The following BLTP3B variants were observed in gnomAD, a reference collection of about 807,000 sequenced individuals.
BLTP3B encodes bridge-like lipid transfer protein family member 3B, also known as UHRF1 (ICBP90) binding protein 1-like.
chr12:100,092,822 T>A, the BLTP3B span: 2 of 839,172 alleles, frequency 2.4e-6, no homozygotes, highest in Non-Finnish European at 2.9e-6. Context: ...ATAGTATTTA[T>A]GTCTATGATG....
At chr12:100,106,060 T>C in the BLTP3B span, among the ~76,000 whole-genome samples, 1 of 152,142 alleles carries the variant, frequency 6.6e-6, no homozygotes, top group South Asian at 2.1e-4. Flanking sequence ...AAACAATCGA[T>C]GTTGGCATGG....
At chr12:100,047,898 A>G in the BLTP3B span, 1 of 1,381,530 alleles carries the variant, frequency 7.2e-7, no homozygotes. Context: ...GAAAGTCCAG[A>G]TAAGGAAAAG....
At chr12:100,062,499 T>C in the BLTP3B span, among the ~76,000 whole-genome samples, 129 of 152,288 alleles carry the variant, frequency 8.5e-4, no homozygotes, top group Non-Finnish European at 1.4e-3. Context: ...TAAGAAAACA[T>C]TAAATTAAAA....
At chr12:100,119,007 CAGG>C in the BLTP3B span, among the ~76,000 whole-genome samples, 1 of 152,002 alleles carries the variant, frequency 6.6e-6, no homozygotes, top group Admixed American at 6.6e-5. Flanking sequence ...GAGGCTGAGG[CAGG>C]AGAATTGCTT....
At chr12:100,113,673 A>G in the BLTP3B span, among the ~76,000 whole-genome samples, 2 of 151,598 alleles carry the variant, frequency 1.3e-5, no homozygotes, top group Non-Finnish European at 2.9e-5. Context: ...AGACTAAGAT[A>G]TAGGCCAGAC....
At chr12:100,050,721 A>G in the BLTP3B span, among the ~76,000 whole-genome samples, 2 of 152,090 alleles carry the variant, frequency 1.3e-5, no homozygotes, top group Non-Finnish European at 1.5e-5. Flanking sequence ...CTGGGACAGG[A>G]AGATCACTTA....
the BLTP3B span, chr12:100,098,664 G>A: frequency 1.0e-6 from 1 of 985,896 alleles, no homozygotes; most frequent in African/African-American, 1.6e-5. Context: ...CACTTTGGGA[G>A]GCTGAGGCAG....
chr12:100,044,083 GT>G, the BLTP3B span, among the ~76,000 whole-genome samples: 1 of 151,852 alleles, frequency 6.6e-6, no homozygotes, highest in African/African-American at 2.4e-5. Context: ...CTGTTTGTTT[GT>G]TTTGTTTTGT....
the BLTP3B span, among the ~76,000 whole-genome samples, chr12:100,096,581 G>C: frequency 8.5e-5 from 13 of 152,090 alleles, no homozygotes; most frequent in African/African-American, 3.1e-4. Flanking sequence ...CACTTTGGGA[G>C]GTCAAGACAG....
the BLTP3B span, chr12:100,128,666 T>C: frequency 4.6e-5 from 59 of 1,288,262 alleles, no homozygotes; most frequent in Non-Finnish European, 6.0e-5. Context: ...CCTCTGGTAC[T>C]CATTTGGGTG....
chr12:100,091,609 T>G, the BLTP3B span, among the ~76,000 whole-genome samples: 6 of 151,682 alleles, frequency 4.0e-5, no homozygotes, highest in African/African-American at 1.5e-4. Context: ...TTCATGCCAT[T>G]CTTCTGCCTC....
chr12:100,055,118 G>A, the BLTP3B span, among the ~76,000 whole-genome samples: 3 of 151,938 alleles, frequency 2.0e-5, no homozygotes, highest in Non-Finnish European at 2.9e-5. Context: ...ATTTTTCTCT[G>A]ACTTATGTAA....
chr12:100,124,970 A>ATATATATATATT, the BLTP3B span, among the ~76,000 whole-genome samples: 1 of 101,080 alleles, frequency 9.9e-6, no homozygotes, highest in African/African-American at 5.3e-5. Flanking sequence ...ATATATATAT[A>ATATATATATATT]TATATATATT....
the BLTP3B span, chr12:100,057,572 T>G: frequency 5.6e-6 from 9 of 1,602,350 alleles, no homozygotes; most frequent in Non-Finnish European, 6.8e-6. Flanking sequence ...TAACTTTACC[T>G]TTTTCCAAAA....
chr12:100,128,565 G>T, the BLTP3B span: 3 of 1,219,164 alleles, frequency 2.5e-6, no homozygotes, highest in African/African-American at 1.6e-5. Context: ...AAAGCATGGG[G>T]AATAGAAGTA....
chr12:100,103,848 T>C, the BLTP3B span: 7 of 1,298,026 alleles, frequency 5.4e-6, no homozygotes, highest in Admixed American at 7.9e-5. Context: ...AAGATTACTA[T>C]GAACAGAGTA....
the BLTP3B span, chr12:100,047,440 A>C: frequency 1.1e-6 from 1 of 917,268 alleles, no homozygotes; most frequent in Non-Finnish European, 1.7e-6. Context: ...AGAGGTTTGC[A>C]GTAGGCTGAG....
At chr12:100,083,015 C>T in the BLTP3B span, 1 of 1,606,994 alleles carries the variant, frequency 6.2e-7, no homozygotes, top group Non-Finnish European at 8.5e-7. Context: ...AGAAAACATA[C>T]CTGGTATATA....
chr12:100,140,135 T>C, the BLTP3B span, among the ~76,000 whole-genome samples: 1 of 152,218 alleles, frequency 6.6e-6, no homozygotes, highest in Non-Finnish European at 1.5e-5. Context: ...CCTGAGTAAC[T>C]ATAATTTATC....
Sources: gnomAD v4.1 joint callset for allele counts (sites outside exome capture counted in the v4.1 genomes callset) on GRCh38, gnomAD v4.1.1 for gene constraint, MANE v1.5 for transcripts, NCBI Gene and HGNC (gene_info 2026-07-23, HGNC 2026-07-21) for gene names.